Variants in ELFN1 observed in about 807,000 individuals in gnomAD.
The protein encoded by ELFN1 is extracellular leucine rich repeat and fibronectin type III domain containing 1.
Under a neutral mutation model 7.6 loss-of-function variants are expected in ELFN1, and 6 were observed. That is an observed-to-expected ratio of 0.79 (90% CI 0.43 to 1.56). The LOEUF (loss-of-function observed/expected upper bound fraction) is 1.56, where lower values mean the gene tolerates loss of function less well. Ranked by LOEUF, ELFN1 falls within the 40% of genes most tolerant of loss-of-function variation. The pLI is 0.01. For synonymous variants in ELFN1, 657 were observed against 588.1 expected, an observed-to-expected ratio of 1.12 and a Z score of -1.70; for missense variants, 1,169 against 1,232.2, an observed-to-expected ratio of 0.95 and a Z score of 0.77.
chr7:1,670,210 C>T (rs928222137), upstream of ELFN1, among the ~76,000 whole-genome samples: 132 of 151,180 alleles, frequency 8.7e-4, no homozygotes, highest in Middle Eastern at 0.01. This position sits in a 1 kb window ranked among gnomAD's most constrained non-coding sequence, Gnocchi z 6.4. Flanking sequence ...TTGAATTCCC[C>T]CCCGGCCGCG....
At chr7:1,688,483 T>A (rs796935423) in intron 2 of ELFN1, among the ~76,000 whole-genome samples, 37 of 152,334 alleles carry the variant, frequency 2.4e-4, no homozygotes, top group African/African-American at 8.2e-4. Flanking sequence ...AGACTTTTAA[T>A]CCACCTGTAA....
At chr7:1,688,018 C>A (rs926108719) in intron 1 of ELFN1, 40 bp from the exon 2 acceptor site, 1 of 150,132 alleles carries the variant, frequency 6.7e-6, no homozygotes, top group African/African-American at 2.5e-5. Context: ...GCACATGCCA[C>A]CATGCCTGGC....
intron 2 of ELFN1, among the ~76,000 whole-genome samples, chr7:1,697,316 CAGAG>C (rs924178343): frequency 7.2e-5 from 11 of 152,202 alleles, no homozygotes; most frequent in African/African-American, 2.4e-4. Context: ...GTGTGGGACT[CAGAG>C]AGGAACAGTC....
intron 3 of ELFN1, among the ~76,000 whole-genome samples, chr7:1,737,995 G>A (rs1780496994): frequency 6.6e-6 from 1 of 152,230 alleles, no homozygotes; most frequent in Admixed American, 6.5e-5. Flanking sequence ...GTGGAAGCCT[G>A]GTAGGCTCAG....
intron 3 of ELFN1, among the ~76,000 whole-genome samples, chr7:1,713,403 A>T (rs530999062): frequency 1.0e-3 from 154 of 152,084 alleles, no homozygotes; most frequent in Admixed American, 1.9e-3. Context: ...GGTGGGACGC[A>T]TTGTTTCCGA....
chr7:1,745,757 G>C lies in ELFN1; in HGVS notation c.1161G>C (p.Gly387=), dbSNP rs1780761772. ...YTYCVVSTSA[G]LRHNHTCLTI... is the part of the protein sequence containing the mutation. ...ACTGCGTGGTGTCCACCAGCGCCGG[G>C]CTGCGCCACAACCACACCTGCCTCA... Residue 387 remains glycine, a synonymous_variant, in exon 4 of 4, where the codon GGG becomes GGC. Transcript: ENST00000424383. 1.3e-6 allele frequency: 2 copies of C among 1,551,826 alleles called. No individual in the cohort carries two copies. Among genetic ancestry groups the C allele is most frequent in the Non-Finnish European group, 1.7e-6 (2 of 1,147,810 alleles).
rs1373194723 is a variant in ELFN1, at chr7:1,735,061, A to C, written c.-293-9243A>C. On this transcript the variant is annotated intron_variant, in intron 3 of 3. Transcript: ENST00000424383. This position sits in a 1 kb window ranked among gnomAD's most constrained non-coding sequence, Gnocchi z 5.9. ...GCCTTCCTGGGCCTTGCCGTGGGGG[A>C]GTCTCAACTTCCTGGCTAGACTTTC... 6.6e-6 allele frequency among the ~76,000 whole-genome samples: 1 copy of C among 151,852 alleles called. No homozygotes were observed. The highest frequency in any genetic ancestry group is 1.5e-5 in the Non-Finnish European group (1 of 67,988).
At chr7:1,708,847 G>A (rs1025649134) in intron 2 of ELFN1, among the ~76,000 whole-genome samples, 7 of 152,176 alleles carry the variant, frequency 4.6e-5, no homozygotes, top group Admixed American at 3.9e-4. Flanking sequence ...TTCATATCTT[G>A]CATCTGCTGT....
At chr7:1,706,877 G>T (rs927785663) in intron 2 of ELFN1, among the ~76,000 whole-genome samples, 3 of 152,246 alleles carry the variant, frequency 2.0e-5, no homozygotes, top group African/African-American at 4.8e-5. Flanking sequence ...CCGAGGTGGT[G>T]CATTGGATGC....
At chr7:1,686,885 G>T (rs561277244) in intron 1 of ELFN1, among the ~76,000 whole-genome samples, 1 of 152,110 alleles carries the variant, frequency 6.6e-6, no homozygotes, top group African/African-American at 2.4e-5. Context: ...CAGATTCCCA[G>T]CTAGTCTACT....
upstream of ELFN1, among the ~76,000 whole-genome samples, chr7:1,668,541 G>C (rs568820127): frequency 1.3e-5 from 2 of 152,382 alleles, no homozygotes; most frequent in East Asian, 3.9e-4. Context: ...GGCCAGGCCA[G>C]AAGCTGGAGG....
Position 1,744,562 on chromosome 7 carries a change from C to A in ELFN1, c.-35C>A. On this transcript the variant is annotated 5_prime_UTR_variant, in exon 4 of 4. Coordinates refer to ENST00000424383, the MANE Select transcript of ELFN1 (RefSeq NM_001128636.4). ...TGGCCCCCCACCTGGTCCCCCTGGG[C>A]AGGCTGAATTGGGGCTCCCTGCAGG... 2.1e-6 allele frequency: 3 copies of A among 1,460,582 alleles called. No individual in the cohort carries two copies. The highest frequency in any genetic ancestry group is 1.5e-5 in the South Asian group (1 of 68,760). 90.5% of individuals were successfully genotyped at this position (1,460,582 alleles called of 1,614,324 possible).
chr7:1,720,091 G>A (rs1330757700), intron 3 of ELFN1, among the ~76,000 whole-genome samples: 1 of 152,160 alleles, frequency 6.6e-6, no homozygotes, highest in Non-Finnish European at 1.5e-5. Context: ...AGACTCAGCT[G>A]ACAGCATTCT....
chr7:1,743,298 A>G (rs1192119531), intron 3 of ELFN1, among the ~76,000 whole-genome samples: 1 of 152,166 alleles, frequency 6.6e-6, no homozygotes. Flanking sequence ...AGGCTGAGGA[A>G]TAGAGCAGAG....
At chr7:1,698,088 T>G (rs1269292284) in intron 2 of ELFN1, among the ~76,000 whole-genome samples, 1 of 152,198 alleles carries the variant, frequency 6.6e-6, no homozygotes, top group East Asian at 1.9e-4. Context: ...AGTTACCATC[T>G]CTCCTGGCCT....
At chr7:1,732,864 A>G (rs528156523) in intron 3 of ELFN1, among the ~76,000 whole-genome samples, 27 of 152,238 alleles carry the variant, frequency 1.8e-4, no homozygotes, top group African/African-American at 6.3e-4. Flanking sequence ...CTTCGGGGAA[A>G]GGCTGTGTGA....
intron 2 of ELFN1, among the ~76,000 whole-genome samples, chr7:1,703,556 G>C (rs1779471006): frequency 6.6e-6 from 1 of 152,158 alleles, no homozygotes; most frequent in Admixed American, 6.5e-5. Flanking sequence ...TGGGGCTGTG[G>C]GGTGTGAAGT....
At chr7:1,689,059 G>C (rs1779109084) in intron 2 of ELFN1, among the ~76,000 whole-genome samples, 1 of 152,186 alleles carries the variant, frequency 6.6e-6, no homozygotes, top group African/African-American at 2.4e-5. Flanking sequence ...CGTTAAGTCA[G>C]GGACTGTCAG....
chr7:1,719,729 C>T (rs1029935495), intron 3 of ELFN1, among the ~76,000 whole-genome samples: 2 of 152,224 alleles, frequency 1.3e-5, no homozygotes, highest in Non-Finnish European at 2.9e-5. Flanking sequence ...TGGTGGGGTT[C>T]GAAGCACTGG....
Sources: gnomAD v4.1 joint callset for allele counts (sites outside exome capture counted in the v4.1 genomes callset) on GRCh38, gnomAD v4.1.1 for gene constraint, Gnocchi (gnomAD v3.1) non-coding constraint, MANE v1.5 for transcripts, NCBI Gene and HGNC (gene_info 2026-07-23, HGNC 2026-07-21) for gene names.